SH3RF3: variants seen among roughly 807,000 people sequenced by gnomAD.
The protein encoded by SH3RF3 is SH3 domain containing ring finger 3.
Under a neutral mutation model 66.3 loss-of-function variants are expected in SH3RF3, and 29 were observed. The observed-to-expected ratio is 0.44, with a 90% CI of 0.33 to 0.60. SH3RF3 has a LOEUF of 0.60. SH3RF3 is among the 20% of genes least tolerant of loss of function. The pLI is 0.04. For missense variants in SH3RF3, 1,194 were observed against 1,190.9 expected (o/e 1.00, Z -0.04); for synonymous variants, 583 against 532.0 (o/e 1.10, Z -1.32).
chr2:109,207,351 CTT>C (rs1050130261), intron 1 of SH3RF3, among the ~76,000 whole-genome samples: 5 of 152,202 alleles, frequency 3.3e-5, no homozygotes, highest in African/African-American at 9.6e-5. Context: ...TCTGTGTTCT[CTT>C]TGTCTCTGGG....
chr2:109,251,327 A>T (rs1439345944), intron 1 of SH3RF3: 1 of 483,830 alleles, frequency 2.1e-6, no homozygotes, highest in Non-Finnish European at 3.9e-6. Flanking sequence ...TTAACAAAGA[A>T]TTAGAGAGAT....
chr2:109,161,879 G>A lies in SH3RF3; in HGVS notation c.573+31766G>A, dbSNP rs1456097655. ...GGGATCACATTTTAATACAAGGTTT[G>A]GGGGACAAATATCCAAACTATAGCC... On this transcript the variant is annotated intron_variant, in intron 1 of 9. Coordinates refer to ENST00000309415, the MANE Select transcript of SH3RF3 (RefSeq NM_001099289.3). Among the ~76,000 whole-genome samples, 3 of 150,670 alleles carry A rather than the reference G, an allele frequency of 2.0e-5. No homozygotes were observed. In the East Asian group the frequency reaches 5.9e-4, roughly 29 times the overall value.
At chr2:109,334,577 G>A (rs1479077534) in intron 1 of SH3RF3, among the ~76,000 whole-genome samples, 5 of 152,098 alleles carry the variant, frequency 3.3e-5, no homozygotes, top group Non-Finnish European at 7.3e-5. Context: ...GGATGCCAGG[G>A]ATGGAGTGAG....
chr2:109,385,263 T>A (rs1462361064), intron 3 of SH3RF3, among the ~76,000 whole-genome samples: 1 of 152,184 alleles, frequency 6.6e-6, no homozygotes, highest in African/African-American at 2.4e-5. Flanking sequence ...GGAGACATAG[T>A]GAAGTGCACA....
intron 1 of SH3RF3, among the ~76,000 whole-genome samples, chr2:109,201,714 G>A (rs911630231): frequency 1.3e-5 from 2 of 152,222 alleles, no homozygotes; most frequent in Non-Finnish European, 2.9e-5. Context: ...CGCCTTGCAT[G>A]GAGAGCCACG....
chr2:109,219,872 G>A (rs1020332504), intron 1 of SH3RF3, among the ~76,000 whole-genome samples: 13 of 152,054 alleles, frequency 8.5e-5, no homozygotes, highest in African/African-American at 2.7e-4. Context: ...ACAGATTCAG[G>A]GCAATCTCTA....
chr2:109,254,037 C>A (rs552002893), intron 1 of SH3RF3, among the ~76,000 whole-genome samples: 2 of 152,096 alleles, frequency 1.3e-5, no homozygotes, highest in African/African-American at 4.8e-5. Context: ...ATTCACATCA[C>A]ATTTATCCTA....
intron 3 of SH3RF3, among the ~76,000 whole-genome samples, chr2:109,396,198 G>A (rs991920324): frequency 5.3e-5 from 8 of 152,210 alleles, no homozygotes; most frequent in Non-Finnish European, 8.8e-5. Context: ...AGAGCCCCAC[G>A]GAGGGCTGTG....
chr2:109,403,321 C>T (rs1384163328), intron 4 of SH3RF3, among the ~76,000 whole-genome samples: 1 of 152,204 alleles, frequency 6.6e-6, no homozygotes, highest in African/African-American at 2.4e-5. Flanking sequence ...GATCTCACCT[C>T]CTCTGTCCTG....
At chr2:109,332,441 CG>C (rs1391554233) in intron 1 of SH3RF3, among the ~76,000 whole-genome samples, 6 of 152,188 alleles carry the variant, frequency 3.9e-5, no homozygotes, top group Non-Finnish European at 7.3e-5. Flanking sequence ...TCTTCCTGGA[CG>C]GGCTTGGGGC....
chr2:109,226,901 G>C (rs1242621105), intron 1 of SH3RF3, among the ~76,000 whole-genome samples: 3 of 152,168 alleles, frequency 2.0e-5, no homozygotes, highest in Non-Finnish European at 4.4e-5. Context: ...AAAGCCGTGT[G>C]GTGGCCCAGA....
At chr2:109,251,146 G>A (rs1680082136) in intron 1 of SH3RF3, among the ~76,000 whole-genome samples, 1 of 151,916 alleles carries the variant, frequency 6.6e-6, no homozygotes, top group African/African-American at 2.4e-5. Context: ...GGGATTACAG[G>A]CATCTGCCAC....
intron 1 of SH3RF3, among the ~76,000 whole-genome samples, chr2:109,154,503 C>T (rs1677293453): frequency 2.0e-5 from 3 of 152,350 alleles, no homozygotes; most frequent in Middle Eastern, 3.4e-3. Flanking sequence ...GAGGCTTCCT[C>T]AGCTGGCTTG....
At chr2:109,454,411 T>C (rs1341174108) in intron 8 of SH3RF3, among the ~76,000 whole-genome samples, 2 of 152,338 alleles carry the variant, frequency 1.3e-5, no homozygotes, top group Non-Finnish European at 2.9e-5. Context: ...TAGTTTTCCA[T>C]TGACCTCAGG....
At chr2:109,277,502 T>G (rs1480985010) in intron 1 of SH3RF3, among the ~76,000 whole-genome samples, 1 of 152,226 alleles carries the variant, frequency 6.6e-6, no homozygotes, top group Admixed American at 6.5e-5. Flanking sequence ...CTGCTGCATC[T>G]CCGAGCAGTC....
chr2:109,328,996 T>C (rs920107228), intron 1 of SH3RF3, among the ~76,000 whole-genome samples: 2 of 152,072 alleles, frequency 1.3e-5, no homozygotes, highest in East Asian at 3.9e-4. Flanking sequence ...GGCTGCTCTG[T>C]GGTCTTCTTG....
At chr2:109,252,011 G>C (rs546748836) in intron 1 of SH3RF3, among the ~76,000 whole-genome samples, 1 of 152,118 alleles carries the variant, frequency 6.6e-6, no homozygotes, top group African/African-American at 2.4e-5. Context: ...GGGAGGCCAA[G>C]GTAGGAGGAT....
intron 8 of SH3RF3, among the ~76,000 whole-genome samples, chr2:109,452,621 G>A (rs1034952586): frequency 2.6e-5 from 4 of 152,166 alleles, no homozygotes; most frequent in Admixed American, 2.0e-4. Context: ...AGATTTACGC[G>A]CCATATCCCT....
At chr2:109,242,383 G>A (rs977869612) in intron 1 of SH3RF3, among the ~76,000 whole-genome samples, 21 of 152,256 alleles carry the variant, frequency 1.4e-4, no homozygotes, top group African/African-American at 2.4e-4. Context: ...TGTCTGTGTC[G>A]TGCCTCGTTG....
Sources: gnomAD v4.1 joint callset for allele counts (sites outside exome capture counted in the v4.1 genomes callset) on GRCh38, gnomAD v4.1.1 for gene constraint, MANE v1.5 for transcripts, NCBI Gene and HGNC (gene_info 2026-07-23, HGNC 2026-07-21) for gene names.